The following TBC1D9B variants were observed in gnomAD, a reference collection of about 807,000 sequenced individuals.
TBC1D9B encodes TBC1 domain family, member 9B (with GRAM domain).
A neutral mutation model predicts 121.1 loss-of-function variants in TBC1D9B; 87 were observed. That is an observed-to-expected ratio of 0.72 (90% CI 0.60 to 0.86). TBC1D9B has a LOEUF of 0.86. Among genes scored for constraint, TBC1D9B ranks in the 40% least tolerant of loss-of-function variants. The pLI, the probability that TBC1D9B is intolerant of heterozygous loss-of-function variation, is 0.00. For missense variants in TBC1D9B, 1,540 were observed against 1,628.6 expected (o/e 0.95, Z 0.94); for synonymous variants, 668 against 670.1 (o/e 1.00, Z 0.05).
At chr5:179,871,557 T>C (rs1039026053) in intron 14 of TBC1D9B, 27 bp from the exon 15 acceptor site, 9 of 1,608,758 alleles carry the variant, frequency 5.6e-6, no homozygotes, top group East Asian at 4.5e-5. Flanking sequence ...ACAGGGTATA[T>C]AGCTGGATCA....
At chr5:179,893,093 T>C (rs1760909740) in intron 5 of TBC1D9B, 116 bp downstream of exon 5, 4 of 1,409,734 alleles carry the variant, frequency 2.8e-6, no homozygotes, top group Middle Eastern at 2.6e-4. Flanking sequence ...GGGGAGCCCA[T>C]GAGGGGTGAA....
chr5:179,906,707 G>A (rs933921399), intron 1 of TBC1D9B, among the ~76,000 whole-genome samples: 7 of 152,234 alleles, frequency 4.6e-5, no homozygotes, highest in South Asian at 4.1e-4. Context: ...GTGTTTCTGG[G>A]AACAGAACAG....
In TBC1D9B at chr5:179,864,076, G is replaced by A. The variant is rs375851946; in HGVS notation, c.3074C>T (p.Pro1025Leu). The A allele has an allele frequency of 1.4e-5, 23 of 1,613,522 alleles. No homozygotes were observed. Among genetic ancestry groups the A allele is most frequent in the South Asian group, 7.7e-5 (7 of 91,066 alleles). The stretch of plus-strand genomic sequence containing the variant: ...GGCGTGGTACAGGTCCTGCTCCATG[G>A]GGTCTTCACTGAACATGTTGTAAAG... ...KTLYNMFSEDPMEQDLYHAIA... is the reference protein window; with the variant it reads ...KTLYNMFSEDLMEQDLYHAIA... The change falls in exon 21 of 21, where the codon CCC becomes CTC. Residue 1025 changes from proline to leucine, a missense_variant. By Grantham distance (98) the Pro-to-Leu change is moderately conservative. Transcript: ENST00000355235.
intron 16 of TBC1D9B, among the ~76,000 whole-genome samples, chr5:179,870,045 A>C (rs1760142337): frequency 6.6e-6 from 1 of 152,114 alleles, no homozygotes; most frequent in Non-Finnish European, 1.5e-5. Context: ...TAGCAGCCCC[A>C]GACTGCATGA....
rs1760336775 is a variant in TBC1D9B at position 179,875,646 on chromosome 5, G to A, written c.1900+274C>T. Among the ~76,000 whole-genome samples the A allele has an allele frequency of 6.6e-6, 1 of 152,180 alleles. No individual in the cohort carries two copies. Among genetic ancestry groups the A allele is most frequent in the African/African-American group, 2.4e-5 (1 of 41,440 alleles). On this transcript the variant is annotated intron_variant, in intron 11 of 20. Coordinates refer to ENST00000355235, the MANE Select transcript of TBC1D9B (RefSeq NM_015043.4). The surrounding 1 kb of genome is among the most constrained non-coding windows in gnomAD (Gnocchi z 4.5). ...TCATAACAGATTTCACTGGATATGA[G>A]TTCAGTAAAGTTGAGCATCAGGTTA...
At chr5:179,898,691 C>T (rs1761080415) in intron 3 of TBC1D9B, among the ~76,000 whole-genome samples, 1 of 149,898 alleles carries the variant, frequency 6.7e-6, no homozygotes, top group Non-Finnish European at 1.5e-5. Context: ...TCAGATGATC[C>T]ACCCACCTCG....
At chr5:179,905,170 TAC>T (rs1223729952) in intron 1 of TBC1D9B, among the ~76,000 whole-genome samples, 1 of 151,974 alleles carries the variant, frequency 6.6e-6, no homozygotes, top group Non-Finnish European at 1.5e-5. Context: ...ACCGAGAAAG[TAC>T]AGAGCTACAC....
At chr5:179,888,384 CAG>C (rs1237912607) in intron 6 of TBC1D9B, 72 bp from the exon 7 acceptor site, 1 of 1,457,236 alleles carries the variant, frequency 6.9e-7, no homozygotes, top group Non-Finnish European at 9.5e-7. Context: ...TTGTGAATGG[CAG>C]ACTGTCATGC....
Position 179,863,832 on chromosome 5 carries a change from C to G in TBC1D9B, c.3318G>C (p.Glu1106Asp), listed in dbSNP as rs368069686. Residue 1106 changes from glutamate to aspartate, a missense_variant, in exon 21 of 21, where the codon GAG becomes GAC. Glu to Asp is a conservative substitution (Grantham distance 45, BLOSUM62 2). Coordinates refer to ENST00000355235, the MANE Select transcript of TBC1D9B (RefSeq NM_015043.4). The surrounding 1 kb of genome is among the most constrained non-coding windows in gnomAD (Gnocchi z 4.5). ...TGCCCCCCTCCACCACCACCTGGCT[C>G]TCCTGTGGGGCTTTTCCGAGGTGTG... is the stretch of plus-strand genomic sequence containing the variant. ...GDTHLGKAPQ[E>D]SQVVVEGGSG... 13 of 1,613,580 alleles carry G rather than the reference C, an allele frequency of 8.1e-6. No homozygotes were observed. The African/African-American group carries it at 1.5e-4, about 18-fold the overall frequency.
intron 3 of TBC1D9B, among the ~76,000 whole-genome samples, chr5:179,895,740 G>A (rs1761000202): frequency 6.6e-6 from 1 of 152,226 alleles, no homozygotes; most frequent in Non-Finnish European, 1.5e-5. Context: ...GGCCACCCCC[G>A]ATCCCTCTGT....
chr5:179,885,419 G>A lies in TBC1D9B; in HGVS notation c.1254+2684C>T, dbSNP rs1464983876. ...AGACTGGCCAACATGGCAAAAACCCGTCTCTACTAAAAATACAAAATAAGC... is the reference window on the plus strand; with the variant it reads ...AGACTGGCCAACATGGCAAAAACCCATCTCTACTAAAAATACAAAATAAGC... On this transcript the variant is annotated intron_variant, in intron 7 of 20. Transcript: ENST00000355235. The surrounding 1 kb of genome is among the most constrained non-coding windows in gnomAD (Gnocchi z 4.5). Among the ~76,000 whole-genome samples, 4 of 151,874 alleles carry A rather than the reference G, an allele frequency of 2.6e-5. No homozygotes were observed. Among genetic ancestry groups the A allele is most frequent in the Non-Finnish European group, 4.4e-5 (3 of 67,976 alleles).
At chr5:179,896,201 T>C (rs528058649) in intron 3 of TBC1D9B, among the ~76,000 whole-genome samples, 25 of 152,224 alleles carry the variant, frequency 1.6e-4, no homozygotes, top group Non-Finnish European at 2.2e-4. Context: ...AACTAAACTT[T>C]TGAGTCACCT....
intron 2 of TBC1D9B, among the ~76,000 whole-genome samples, chr5:179,900,364 C>T (rs1761133730): frequency 6.6e-6 from 1 of 152,204 alleles, no homozygotes; most frequent in African/African-American, 2.4e-5. Context: ...CTACCCCCAG[C>T]ACCTGTTTCT....
chr5:179,877,674 A>AG (rs1760399156), intron 10 of TBC1D9B, among the ~76,000 whole-genome samples: 1 of 151,070 alleles, frequency 6.6e-6, no homozygotes, highest in African/African-American at 2.5e-5. Context: ...CAAAAAAAAA[A>AG]AAAAAAAAAG....
chr5:179,883,425 C>T (rs946724249), intron 7 of TBC1D9B, among the ~76,000 whole-genome samples: 1 of 152,150 alleles, frequency 6.6e-6, no homozygotes, highest in Non-Finnish European at 1.5e-5. Context: ...ACAACTTCTT[C>T]TCTATTTGTT....
At chr5:179,879,462 G>T (rs1046413310) in intron 8 of TBC1D9B, 166 bp downstream of exon 8, 4 of 1,163,400 alleles carry the variant, frequency 3.4e-6, no homozygotes, top group Non-Finnish European at 4.9e-6. Flanking sequence ...GAGCCCCCCA[G>T]AGAGTGCCTG....
At chr5:179,877,083 A>G (rs1760381167) in intron 10 of TBC1D9B, among the ~76,000 whole-genome samples, 2 of 150,648 alleles carry the variant, frequency 1.3e-5, no homozygotes. Context: ...AAAAAAAAAA[A>G]AAAAAAAAAA....
rs1402039587 is a variant in TBC1D9B, at chr5:179,894,489, A to G, written c.474T>C (p.Asn158=). ...CCTTCCAGTAGCTGCAGGAGTAGTA[A>G]TTCACCAGCTTCTCGCCCTCAGGCA... The part of the protein sequence containing the change: ...FGMPEGEKLV[N]YYSCSYWKGR... Residue 158 remains asparagine, a synonymous_variant, in exon 4 of 21, where the codon AAT becomes AAC. Transcript: ENST00000355235. 6.2e-7 allele frequency: 1 copy of G among 1,614,176 alleles called. No individual in the cohort carries two copies. Among genetic ancestry groups the G allele is most frequent in the South Asian group, 1.1e-5 (1 of 91,090 alleles).
At chr5:179,869,577 A>G in intron 17 of TBC1D9B, 192 bp downstream of exon 17, 1 of 709,970 alleles carries the variant, frequency 1.4e-6, no homozygotes, top group Non-Finnish European at 2.5e-6. Context: ...GTCCCTTCCC[A>G]GGCCAAGGCC....
Sources: gnomAD v4.1 joint callset for allele counts (sites outside exome capture counted in the v4.1 genomes callset) on GRCh38, gnomAD v4.1.1 for gene constraint, Gnocchi (gnomAD v3.1) non-coding constraint, MANE v1.5 for transcripts, NCBI Gene and HGNC (gene_info 2026-07-23, HGNC 2026-07-21) for gene names.